FER1L6: variants seen among roughly 807,000 people sequenced by gnomAD.
FER1L6 encodes fer-1 like family member 6, also known as fer-1-like protein 6.
Under a neutral mutation model 219.2 loss-of-function variants are expected in FER1L6, and 177 were observed. That is an observed-to-expected ratio of 0.81 (90% CI 0.71 to 0.91). The LOEUF is 0.91. Among genes scored for constraint, FER1L6 ranks in the 40% least tolerant of loss-of-function variants. FER1L6 has a pLI of 0.00. For synonymous variants in FER1L6, 768 were observed against 824.3 expected, an observed-to-expected ratio of 0.93 and a Z score of 1.17; for missense variants, 2,153 against 2,259.9, an observed-to-expected ratio of 0.95 and a Z score of 0.96.
In FER1L6 at chr8:124,070,618, C is replaced by T. The variant is rs541076758; in HGVS notation, c.3966+20C>T. 6.4e-7 allele frequency: 1 copy of T among 1,555,228 alleles called. No homozygotes were observed. Among genetic ancestry groups the T allele is most frequent in the Non-Finnish European group, 8.7e-7 (1 of 1,154,924 alleles). On this transcript the variant is annotated intron_variant, in intron 30 of 40. Coordinates refer to ENST00000522917, the MANE Select transcript of FER1L6 (RefSeq NM_001039112.2). ...TTTAAGGCAGGTTCCATTTTTAATCCTTTTATTTGGCTCTCCCTGTCCATA... is the reference window on the plus strand; with the variant it reads ...TTTAAGGCAGGTTCCATTTTTAATCTTTTTATTTGGCTCTCCCTGTCCATA...
chr8:123,987,941 T>C (rs1816673901), intron 12 of FER1L6, among the ~76,000 whole-genome samples: 1 of 151,948 alleles, frequency 6.6e-6, no homozygotes, highest in South Asian at 2.1e-4. Context: ...CTAGTAAAAA[T>C]ACAAAAATTA....
At chr8:123,888,301 C>A (rs537058667) in intron 1 of FER1L6, among the ~76,000 whole-genome samples, 16 of 151,964 alleles carry the variant, frequency 1.1e-4, no homozygotes, top group Middle Eastern at 3.4e-3. Context: ...AGTTTTAGTA[C>A]AGATGGGGCT....
chr8:124,111,180 A>C lies in FER1L6; in HGVS notation c.5290-7664A>C, dbSNP rs1393639260. Among the ~76,000 whole-genome samples the C allele has an allele frequency of 1.3e-5, 2 of 152,240 alleles. No homozygotes were observed. Among genetic ancestry groups the C allele is most frequent in the Non-Finnish European group, 2.9e-5 (2 of 68,030 alleles). On this transcript the variant is annotated intron_variant, in intron 39 of 40. Transcript: ENST00000522917. This position sits in a 1 kb window ranked among gnomAD's most constrained non-coding sequence, Gnocchi z 5.0. ...CAACTTTTCTAAAGTAAATGCTCTA[A>C]GAGAAAAGAAAAGGGGGAAGGAAAT...
At chr8:123,882,903 G>A (rs141715447) in intron 1 of FER1L6, among the ~76,000 whole-genome samples, 72 of 152,312 alleles carry the variant, frequency 4.7e-4, no homozygotes, top group Non-Finnish European at 8.4e-4. Context: ...ACATGCCAAT[G>A]CAGGTTCATT....
chr8:123,859,623 C>G (rs28866022), intron 1 of FER1L6, among the ~76,000 whole-genome samples: 19,095 of 142,204 alleles, frequency 0.13, 1,306 homozygotes, highest in Middle Eastern at 0.19. Flanking sequence ...CATATGTATA[C>G]ATGTACCATG....
intron 37 of FER1L6, among the ~76,000 whole-genome samples, chr8:124,100,543 C>A (rs1039760318): frequency 4.6e-5 from 7 of 152,150 alleles, no homozygotes; most frequent in Admixed American, 1.3e-4. Context: ...GCCCTCCCAC[C>A]CTCCATGCCA....
intron 1 of FER1L6, among the ~76,000 whole-genome samples, chr8:123,937,788 A>AT (rs1356648215): frequency 1.2e-4 from 19 of 152,128 alleles, no homozygotes; most frequent in Non-Finnish European, 2.5e-4. Context: ...AGAAAAATAT[A>AT]TTTTTTTCTG....
intron 1 of FER1L6, among the ~76,000 whole-genome samples, chr8:123,886,316 A>T (rs1040427333): frequency 2.0e-5 from 3 of 152,122 alleles, no homozygotes; most frequent in Non-Finnish European, 4.4e-5. Context: ...ATGGGAGTAG[A>T]TCCCTTATGA....
chr8:124,086,992 T>C (rs1821812035), intron 33 of FER1L6, among the ~76,000 whole-genome samples: 1 of 152,228 alleles, frequency 6.6e-6, no homozygotes, highest in Non-Finnish European at 1.5e-5. Flanking sequence ...ATTTCTTTTC[T>C]CTCGCTGCTT....
intron 26 of FER1L6, among the ~76,000 whole-genome samples, chr8:124,065,241 A>T (rs1389076052): frequency 6.6e-6 from 1 of 151,782 alleles, no homozygotes; most frequent in Non-Finnish European, 1.5e-5. Context: ...TAAAAAAAAA[A>T]ATACAAAAAA....
Position 124,021,685 on chromosome 8 carries a change from G to C in FER1L6, c.2133+16G>C, listed in dbSNP as rs927947428. The C allele has an allele frequency of 1.9e-6, 3 of 1,613,108 alleles. No homozygotes were observed. The highest frequency in any genetic ancestry group is 2.5e-6 in the Non-Finnish European group (3 of 1,179,234). On this transcript the variant is annotated intron_variant, in intron 17 of 40. Coordinates refer to ENST00000522917, the MANE Select transcript of FER1L6 (RefSeq NM_001039112.2). Reference sequence around the variant, plus strand: ...TGTTGATGAGGTAACTGACTCTAAAGGCAAACCTCATTTGGAAGGTTAGAT... The same window carrying C: ...TGTTGATGAGGTAACTGACTCTAAACGCAAACCTCATTTGGAAGGTTAGAT...
chr8:123,932,133 G>A (rs1017863238), intron 1 of FER1L6, among the ~76,000 whole-genome samples: 7 of 152,046 alleles, frequency 4.6e-5, no homozygotes, highest in African/African-American at 1.7e-4. Context: ...TTTTGAGATG[G>A]AGTCTCGCTC....
intron 1 of FER1L6, among the ~76,000 whole-genome samples, chr8:123,931,517 T>C (rs1813770941): frequency 6.6e-6 from 1 of 152,248 alleles, no homozygotes; most frequent in South Asian, 2.1e-4. Flanking sequence ...CCGCAGGATA[T>C]GGGTTAAGAA....
chr8:123,901,956 G>A (rs112277883), intron 1 of FER1L6, among the ~76,000 whole-genome samples: 14 of 151,898 alleles, frequency 9.2e-5, no homozygotes, highest in African/African-American at 3.4e-4. Flanking sequence ...TCCAGACTTC[G>A]TTATCCCCCA....
intron 13 of FER1L6, among the ~76,000 whole-genome samples, chr8:124,008,634 A>T (rs11987345): frequency 0.68 from 102,779 of 152,066 alleles, 35,440 homozygotes; most frequent in South Asian, 0.83. Context: ...GATAAATAGG[A>T]GGGATTTAAT....
At chr8:124,072,972 G>A (rs758355565) in intron 31 of FER1L6, among the ~76,000 whole-genome samples, 1 of 152,186 alleles carries the variant, frequency 6.6e-6, no homozygotes, top group African/African-American at 2.4e-5. Flanking sequence ...AAGCTCATTA[G>A]CACATTCAAG....
In FER1L6 at chr8:124,060,167, C is replaced by A. The variant is rs554872672; in HGVS notation, c.2875-13C>A. The A allele has an allele frequency of 2.4e-5, 39 of 1,603,378 alleles. No homozygotes were observed. The highest frequency in any genetic ancestry group is 3.3e-5 in the Non-Finnish European group (39 of 1,170,344). On this transcript the variant is annotated splice_polypyrimidine_tract_variant and intron_variant, in intron 22 of 40. Coordinates refer to ENST00000522917, the MANE Select transcript of FER1L6 (RefSeq NM_001039112.2). ...CTCTCCAGCATCTAACTCATACTTG[C>A]CTTGTGCGGTAGGTTCCTCCTTCTG...
chr8:123,975,724 A>AT (rs371858789), intron 8 of FER1L6, among the ~76,000 whole-genome samples, 174 bp from the exon 9 acceptor site: 72 of 152,310 alleles, frequency 4.7e-4, no homozygotes, highest in African/African-American at 1.7e-3. Context: ...CACTCTATTC[A>AT]TACCATTCTC....
chr8:123,922,794 C>T (rs1268357484), intron 1 of FER1L6, among the ~76,000 whole-genome samples: 1 of 152,046 alleles, frequency 6.6e-6, no homozygotes, highest in Non-Finnish European at 1.5e-5. Context: ...CTTTTTTCTC[C>T]TTGATCTCAT....
Sources: gnomAD v4.1 joint callset for allele counts (sites outside exome capture counted in the v4.1 genomes callset) on GRCh38, gnomAD v4.1.1 for gene constraint, Gnocchi (gnomAD v3.1) non-coding constraint, MANE v1.5 for transcripts, NCBI Gene and HGNC (gene_info 2026-07-23, HGNC 2026-07-21) for gene names.